The following TRAF7 variants were observed in gnomAD, a reference collection of about 807,000 sequenced individuals.
TRAF7 encodes TNF receptor associated factor 7.
Under a neutral mutation model 89.3 loss-of-function variants are expected in TRAF7, and 45 were observed. The observed-to-expected ratio is 0.50, with a 90% CI of 0.40 to 0.65. TRAF7 has a LOEUF of 0.65. Ranked by LOEUF, TRAF7 falls within the 30% of genes least tolerant of loss-of-function variation. The probability of loss-of-function intolerance (pLI) is 0.00; values close to 1 mark genes in which losing one functional copy is unlikely to be tolerated. For missense variants in TRAF7, 677 were observed against 918.1 expected, an observed-to-expected ratio of 0.74 and a Z score of 3.39; for synonymous variants, 406 against 369.2, an observed-to-expected ratio of 1.10 and a Z score of -1.14.
rs1012424523 is a variant in TRAF7, at chr16:2,178,064, C to T, written c.*1490C>T. 72 of 480,558 alleles carry T rather than the reference C, an allele frequency of 1.5e-4. No individual in the cohort carries two copies. Among genetic ancestry groups the T allele is most frequent in the African/African-American group, 1.2e-3 (60 of 49,598 alleles). The allele number at this position is 480,558 out of a possible 1,614,324, so 29.8% of individuals were successfully genotyped here. On this transcript the variant is annotated 3_prime_UTR_variant, in exon 21 of 21. Coordinates refer to ENST00000326181, the MANE Select transcript of TRAF7 (RefSeq NM_032271.3). Reference sequence around the variant, plus strand: ...AAATATATATTTGTTAAAGTTATACCTTTTTGTTTCTCTGGGGAAATCCGC... The same window carrying T: ...AAATATATATTTGTTAAAGTTATACTTTTTTGTTTCTCTGGGGAAATCCGC...
chr16:2,176,467 C>T, intron 20 of TRAF7, 83 bp downstream of exon 20: 1 of 1,613,004 alleles, frequency 6.2e-7, no homozygotes, highest in Non-Finnish European at 8.5e-7. Flanking sequence ...AGCCCCAGCA[C>T]AAAGTGGTGG....
intron 2 of TRAF7, among the ~76,000 whole-genome samples, chr16:2,164,996 C>T (rs1281815145): frequency 3.2e-5 from 3 of 95,064 alleles, no homozygotes; most frequent in East Asian, 2.8e-4. Flanking sequence ...GTGAGTGCTG[C>T]GTGGCCTGGC....
intron 20 of TRAF7, 85 bp downstream of exon 20, chr16:2,176,469 A>C: frequency 6.2e-7 from 1 of 1,612,962 alleles, no homozygotes; most frequent in Non-Finnish European, 8.5e-7. Flanking sequence ...CCCCAGCACA[A>C]AGTGGTGGAG....
rs191186027 is a variant in TRAF7, at chr16:2,172,311, A to G, written c.596A>G (p.Lys199Arg). The G allele has an allele frequency of 8.1e-6, 13 of 1,612,706 alleles. No homozygotes were observed. In the African/African-American group the frequency reaches 1.3e-4, roughly 17 times the overall value. Residue 199 changes from lysine to arginine, a missense_variant, in exon 8 of 21, where the codon AAG becomes AGG. Around this residue, in one of 6 missense-constraint regions of TRAF7, gnomAD observed 238 missense variants for 352.6 expected, o/e 0.67. Coordinates refer to ENST00000326181, the MANE Select transcript of TRAF7 (RefSeq NM_032271.3). ...RHGCRVAGSG[K>R]PPIFEVDPRG... ...GGCTGCCGGGTAGCGGGCAGCGGGA[A>G]GCCCCCCATCTTTGAGGTGGACCCC...
At chr16:2,172,087 G>T (rs1407054173) in intron 7 of TRAF7, 104 bp from the exon 8 acceptor site, 4 of 1,415,940 alleles carry the variant, frequency 2.8e-6, no homozygotes, top group Non-Finnish European at 3.9e-6. Context: ...GTGCCTCAGA[G>T]GCGCAGATGG....
chr16:2,156,827 CTG>C (rs1047026462), intron 1 of TRAF7, among the ~76,000 whole-genome samples: 2 of 152,168 alleles, frequency 1.3e-5, no homozygotes, highest in Admixed American at 6.5e-5. Flanking sequence ...AGCTTTCTAA[CTG>C]TGTGTGGACC....
chr16:2,172,161 C>T (rs375829037), intron 7 of TRAF7, 30 bp from the exon 8 acceptor site: 346 of 1,611,970 alleles, frequency 2.1e-4, no homozygotes, highest in Non-Finnish European at 2.7e-4. Flanking sequence ...CCAGGCAGGC[C>T]GTGAGGGTCA....
chr16:2,171,295 T>C lies in TRAF7; in HGVS notation c.380T>C (p.Val127Ala). ...EPLVFAEQPS[V>A]KLCCQLCCSV... Reference sequence around the variant, plus strand: ...CTGGTGTTTGCGGAGCAGCCCTCGGTGAAGCTGTGCTGTCAGCTCTGCTGC... The same window carrying C: ...CTGGTGTTTGCGGAGCAGCCCTCGGCGAAGCTGTGCTGTCAGCTCTGCTGC... Residue 127 changes from valine to alanine, a missense_variant, in exon 6 of 21, where the codon GTG (valine) becomes GCG (alanine). Val to Ala is a moderately conservative substitution (Grantham distance 64). Around this residue, in one of 6 missense-constraint regions of TRAF7, gnomAD observed 240 missense variants for 191.9 expected, o/e 1.25. Transcript: ENST00000326181. 1 of 1,555,648 alleles carries C rather than the reference T, an allele frequency of 6.4e-7. No individual in the cohort carries two copies. The highest frequency in any genetic ancestry group is 2.4e-5 in the East Asian group (1 of 41,872).
rs1204368782 is a variant in TRAF7 at position 2,173,338 on chromosome 16, C to A, written c.951C>A (p.Ser317=). 2 of 1,613,630 alleles carry A rather than the reference C, an allele frequency of 1.2e-6. No individual in the cohort carries two copies. The highest frequency in any genetic ancestry group is 2.7e-5 in the African/African-American group (2 of 75,042). The change falls in exon 10 of 21, where the codon TCC becomes TCA. Residue 317 remains serine (S), a synonymous_variant. Transcript: ENST00000326181. ...QKDQEIAFLR[S]MLGKLSEKID... is the part of the protein sequence containing the mutation. ...ACCAGGAGATCGCCTTCCTGCGCTC[C>A]ATGCTGGGAAAGCTCTCGGAGAAGA...
Position 2,173,530 on chromosome 16 carries a change from C to A in TRAF7, c.1062C>A (p.Phe354Leu). The change falls in exon 11 of 21, where the codon TTC (phenylalanine) becomes TTA (leucine). Residue 354 changes from phenylalanine (F) to leucine (L), a missense_variant. By Grantham distance (22) the Phe-to-Leu change is conservative (BLOSUM62 0). Around this residue, in one of 6 missense-constraint regions of TRAF7, gnomAD observed 238 missense variants for 352.6 expected, o/e 0.67. Transcript: ENST00000326181. ...QSKLSEDLME[F>L]RRDASMLNDE... ...AGCTCAGCGAGGACCTCATGGAGTT[C>A]CGGCGGGACGCATCCATGTTAAATG... The A allele has an allele frequency of 6.2e-7, 1 of 1,613,334 alleles. No individual in the cohort carries two copies. Among genetic ancestry groups the A allele is most frequent in the Non-Finnish European group, 8.5e-7 (1 of 1,179,922 alleles).
rs924415855 is a variant in TRAF7, at chr16:2,170,482, A to G, written c.232-132A>G. The G allele has an allele frequency of 1.5e-5, 10 of 654,876 alleles. No individual in the cohort carries two copies. The African/African-American group carries it at 1.8e-4, about 12-fold the overall frequency. The allele number at this position is 654,876 out of a possible 1,614,324, so 40.6% of individuals were successfully genotyped here. ...CCACCCACGGCCCCCGTGGACGAGG[A>G]GAGTACCCGCAGGGACCGGGGTGGC... is the stretch of plus-strand genomic sequence containing the variant. On this transcript the variant is annotated intron_variant, in intron 4 of 20. Coordinates refer to ENST00000326181, the MANE Select transcript of TRAF7 (RefSeq NM_032271.3).
rs372592361 is a variant in TRAF7 at position 2,163,229 on chromosome 16, G to C, written c.-38-654G>C. ...CCACCAGCCCCTGAGCCCCTGTGGCGTGGCTGGGAGTGTGGGTGACCTGCA... is the reference window on the plus strand; with the variant it reads ...CCACCAGCCCCTGAGCCCCTGTGGCCTGGCTGGGAGTGTGGGTGACCTGCA... On this transcript the variant is annotated intron_variant, in intron 1 of 20. Transcript: ENST00000326181. This position sits in a 1 kb window ranked among gnomAD's most constrained non-coding sequence, Gnocchi z 4.3. 2.0e-5 allele frequency among the ~76,000 whole-genome samples: 3 copies of C among 152,192 alleles called. No individual in the cohort carries two copies. Among genetic ancestry groups the C allele is most frequent in the Admixed American group, 1.3e-4 (2 of 15,286 alleles).
rs764574047 is a variant in TRAF7, at chr16:2,174,024, T to C, written c.1239T>C (p.Ser413=). Reference sequence around the variant, plus strand: ...ACTCCATGGGTGACCTGCTCTTCAGTGGCTCCTCTGACAAGACCATCAAGG... The same window carrying C: ...ACTCCATGGGTGACCTGCTCTTCAGCGGCTCCTCTGACAAGACCATCAAGG... The part of the protein sequence containing the change: ...CVYSMGDLLF[S]GSSDKTIKVW... Residue 413 remains serine, a synonymous_variant, in exon 13 of 21, where the codon AGT becomes AGC. Transcript: ENST00000326181. The C allele has an allele frequency of 3.7e-6, 6 of 1,613,442 alleles. No homozygotes were observed. Among genetic ancestry groups the C allele is most frequent in the Non-Finnish European group, 3.4e-6 (4 of 1,180,028 alleles).
rs1033214862 is a variant in TRAF7, at chr16:2,159,656, C to A, written c.-39+3798C>A. Among the ~76,000 whole-genome samples the A allele has an allele frequency of 6.6e-6, 1 of 152,184 alleles. No individual in the cohort carries two copies. Among genetic ancestry groups the A allele is most frequent in the African/African-American group, 2.4e-5 (1 of 41,448 alleles). On this transcript the variant is annotated intron_variant, in intron 1 of 20. Coordinates refer to ENST00000326181, the MANE Select transcript of TRAF7 (RefSeq NM_032271.3). This position sits in a 1 kb window ranked among gnomAD's most constrained non-coding sequence, Gnocchi z 6.5. ...CTCTGGCCGCAGTCCAGCCAGCCGG[C>A]CACACACAGCCCTGTGGCAGGCGGG...
rs1248200217 is a variant in TRAF7 at position 2,177,979 on chromosome 16, ACTTCGTGTCCTTTCAGT to A, written c.*1406_*1422del. On this transcript the variant is annotated 3_prime_UTR_variant, in exon 21 of 21. Transcript: ENST00000326181. ...TCTAACAGCTTTTGTCCGGAGCTAGACTTCGTGTCCTTTCAGTTGGTAAATGGTTTTCTATAGAATCA... is the reference window on the plus strand; with the variant it reads ...TCTAACAGCTTTTGTCCGGAGCTAGATGGTAAATGGTTTTCTATAGAATCA... 6.0e-5 allele frequency: 23 copies of A among 382,860 alleles called. No homozygotes were observed. In the East Asian group the frequency reaches 1.1e-3, roughly 18 times the overall value. 23.7% of individuals were successfully genotyped at this position (382,860 alleles called of 1,614,324 possible). A position where few individuals can be genotyped will look rare whatever the true frequency, so the allele number is the denominator to read the frequency against.
In TRAF7 at chr16:2,174,384, C is replaced by T. The variant is rs372482859; in HGVS notation, c.1346+51C>T. The T allele has an allele frequency of 3.8e-4, 593 of 1,574,144 alleles. 11 individuals carry two copies. In the South Asian group the frequency reaches 5.4e-3, roughly 14 times the overall value. Reference sequence around the variant, plus strand: ...GTGATTCCCAGGACAGGAGACGTGGCGCTGCCACCCCGTGGGCCGTGAGCC... The same window carrying T: ...GTGATTCCCAGGACAGGAGACGTGGTGCTGCCACCCCGTGGGCCGTGAGCC... On this transcript the variant is annotated intron_variant, in intron 14 of 20. Coordinates refer to ENST00000326181, the MANE Select transcript of TRAF7 (RefSeq NM_032271.3).
intron 3 of TRAF7, among the ~76,000 whole-genome samples, chr16:2,166,890 T>A (rs1361684323): frequency 6.6e-6 from 1 of 152,196 alleles, no homozygotes; most frequent in Non-Finnish European, 1.5e-5. Context: ...GGGACCCTCA[T>A]TCCGGGGTGG....
rs1188236015 is a variant in TRAF7 at position 2,176,944 on chromosome 16, G to A, written c.*370G>A. 5.4e-5 allele frequency: 24 copies of A among 446,138 alleles called. No homozygotes were observed. In the Admixed American group the frequency reaches 8.3e-4, roughly 15 times the overall value. The allele number at this position is 446,138 out of a possible 1,614,324, so 27.6% of individuals were successfully genotyped here. On this transcript the variant is annotated 3_prime_UTR_variant, in exon 21 of 21. Transcript: ENST00000326181. ...TAAATGCTCCACAGACTGTGGCTGT[G>A]AGTGGGGACAGCTCCTCGGGACAAG...
In TRAF7 at chr16:2,175,785, G is replaced by T. The variant is rs1341810205; in HGVS notation, c.1627-49G>T. On this transcript the variant is annotated intron_variant, in intron 17 of 20. Coordinates refer to ENST00000326181, the MANE Select transcript of TRAF7 (RefSeq NM_032271.3). ...GAAGCCCTGGGGGTGCGGGGGCCCTGGGGGTGAAGCACCTGGCCTGGGACC... is the reference window on the plus strand; with the variant it reads ...GAAGCCCTGGGGGTGCGGGGGCCCTTGGGGTGAAGCACCTGGCCTGGGACC... 1.9e-6 allele frequency: 3 copies of T among 1,606,916 alleles called. No individual in the cohort carries two copies. In the South Asian group the frequency reaches 3.3e-5, roughly 18 times the overall value.
Sources: gnomAD v4.1 joint callset for allele counts (sites outside exome capture counted in the v4.1 genomes callset) on GRCh38, gnomAD v4.1.1 for gene constraint, gnomAD v4.1.1 regional missense constraint, Gnocchi (gnomAD v3.1) non-coding constraint, MANE v1.5 for transcripts, NCBI Gene and HGNC (gene_info 2026-07-23, HGNC 2026-07-21) for gene names.